The following SEC14L5 variants were observed in gnomAD, a reference collection of about 807,000 sequenced individuals.
SEC14L5 encodes SEC14-like protein 5.
Under a neutral mutation model 84.6 loss-of-function variants are expected in SEC14L5, and 96 were observed. The observed-to-expected ratio is 1.13, with a 90% CI of 0.96 to 1.34. The LOEUF (loss-of-function observed/expected upper bound fraction) is 1.34. Among genes scored for constraint, SEC14L5 ranks in the 40% most tolerant of loss-of-function variants. The pLI is 0.00. For missense variants in SEC14L5, 1,224 were observed against 942.5 expected, an observed-to-expected ratio of 1.30 and a Z score of -3.91; for synonymous variants, 546 against 383.4, an observed-to-expected ratio of 1.42 and a Z score of -4.95.
chr16:5,000,273 A>G (rs918903504), intron 8 of SEC14L5, among the ~76,000 whole-genome samples: 2 of 152,234 alleles, frequency 1.3e-5, no homozygotes, highest in African/African-American at 4.8e-5. Flanking sequence ...CCTGGGTGAC[A>G]GAGCAAGACT....
At chr16:5,014,804 C>T in intron 15 of SEC14L5, 55 bp from the exon 16 acceptor site, 2 of 1,397,614 alleles carry the variant, frequency 1.4e-6, no homozygotes, top group South Asian at 2.4e-5. Context: ...TGTGTGTCAG[C>T]CCAAGGGCCT....
chr16:4,978,643 C>A (rs80151722), intron 2 of SEC14L5, among the ~76,000 whole-genome samples: 2 of 151,482 alleles, frequency 1.3e-5, no homozygotes, highest in African/African-American at 4.9e-5. Flanking sequence ...CGCTCTGTCA[C>A]CCAGGCTGGA....
rs757610163 is a variant in SEC14L5 at position 4,990,857 on chromosome 16, A to G, written c.436A>G (p.Lys146Glu). Residue 146 changes from lysine to glutamate, a missense_variant, in exon 5 of 16, where the codon AAG (lysine) becomes GAG (glutamate). Physicochemically the swap from Lys to Glu is moderately conservative, Grantham distance 56. Coordinates refer to ENST00000251170, the MANE Select transcript of SEC14L5 (RefSeq NM_014692.2). The part of the protein sequence containing the change: ...SFFGFENALE[K>E]IAMKQYTANV... The stretch of plus-strand genomic sequence containing the variant: ...CTTTGGCTTTGAAAATGCCTTGGAG[A>G]AGATCGCCATGAAGCAGTACACCGC... The G allele has an allele frequency of 3.1e-6, 5 of 1,610,416 alleles. No individual in the cohort carries two copies. Among genetic ancestry groups the G allele is most frequent in the Non-Finnish European group, 4.2e-6 (5 of 1,178,268 alleles).
intron 2 of SEC14L5, among the ~76,000 whole-genome samples, chr16:4,972,070 A>G (rs909831998): frequency 6.6e-5 from 10 of 151,122 alleles, no homozygotes; most frequent in Non-Finnish European, 1.5e-4. Flanking sequence ...CAGTGGTGCA[A>G]TTATAGCTCA....
intron 2 of SEC14L5, among the ~76,000 whole-genome samples, chr16:4,963,728 A>G (rs1955158810): frequency 6.6e-6 from 1 of 152,196 alleles, no homozygotes; most frequent in South Asian, 2.1e-4. Context: ...ATCATGGCTC[A>G]CTGCAGCCTT....
At chr16:5,007,163 C>T (rs1042983136) in intron 12 of SEC14L5, among the ~76,000 whole-genome samples, 189 bp from the exon 13 acceptor site, 1 of 152,108 alleles carries the variant, frequency 6.6e-6, no homozygotes, top group East Asian at 1.9e-4. Context: ...CTCTGTGAAA[C>T]GGGAAGAATA....
In SEC14L5 at chr16:4,987,694, G is replaced by T; in HGVS notation, c.201G>T (p.Arg67=). ...RSCRLRVDAP[R]LLRKIAGVEH... The stretch of plus-strand genomic sequence containing the variant: ...GCCGGCTGCGCGTGGACGCCCCGCG[G>T]CTGCTGCGGAAGGTGGGCGGCCCTG... Residue 67 remains arginine, a synonymous_variant, in exon 3 of 16, where the codon CGG becomes CGT. Coordinates refer to ENST00000251170, the MANE Select transcript of SEC14L5 (RefSeq NM_014692.2). The T allele has an allele frequency of 6.5e-7, 1 of 1,528,228 alleles. No homozygotes were observed. The highest frequency in any genetic ancestry group is 2.0e-5 in the Admixed American group (1 of 49,234). The allele number at this position is 1,528,228 out of a possible 1,614,324, so 94.7% of individuals were successfully genotyped here.
In SEC14L5 at chr16:5,008,619, C is replaced by T; in HGVS notation, c.1771C>T (p.Leu591Phe). 1 of 1,604,776 alleles carries T rather than the reference C, an allele frequency of 6.2e-7. No individual in the cohort carries two copies. The highest frequency in any genetic ancestry group is 8.5e-7 in the Non-Finnish European group (1 of 1,177,644). The stretch of plus-strand genomic sequence containing the variant: ...GGATTACAGCCGTGTGGAGGCTCCC[C>T]TTGTCTGCCGGGAGGGGGAGAGCAT... The part of the protein sequence containing the change: ...GRDYSRVEAP[L>F]VCREGESIQG... The change falls in exon 14 of 16, where the codon CTT becomes TTT. Residue 591 changes from leucine (L) to phenylalanine (F), a missense_variant. Leu to Phe is a conservative substitution (Grantham distance 22). Coordinates refer to ENST00000251170, the MANE Select transcript of SEC14L5 (RefSeq NM_014692.2).
In SEC14L5 at chr16:4,987,623, G is replaced by T. The variant is rs551719538; in HGVS notation, c.130G>T (p.Glu44Ter). The T allele has an allele frequency of 1.9e-6, 3 of 1,558,002 alleles. No individual in the cohort carries two copies. The highest frequency in any genetic ancestry group is 3.8e-5 in the Admixed American group (2 of 52,038). Residue 44 changes from glutamate to a stop codon, truncating the protein, a stop_gained, in exon 3 of 16, where the codon GAG becomes TAG. Transcript: ENST00000251170. LOFTEE classifies it high-confidence loss of function. ...PVFLGSEVLR[E>*]SRSPDGAVHV... ...CTTCCTGGGCAGCGAGGTCTTGCGC[G>T]AGTCCCGCAGCCCGGACGGGGCTGT...
chr16:4,972,166 T>C (rs1003664354), intron 2 of SEC14L5, among the ~76,000 whole-genome samples: 2 of 152,066 alleles, frequency 1.3e-5, no homozygotes, highest in Admixed American at 6.6e-5. Context: ...CGAACCTGGC[T>C]AATTTTAAAA....
chr16:4,980,769 G>T (rs1032461212), intron 2 of SEC14L5, among the ~76,000 whole-genome samples: 2 of 152,186 alleles, frequency 1.3e-5, no homozygotes, highest in African/African-American at 4.8e-5. Context: ...AGGGGGAAGG[G>T]AGGGTGTCCC....
rs1955743573 is a variant in SEC14L5 at position 5,007,433 on chromosome 16, C to T, written c.1519C>T (p.Gln507Ter). 3.7e-6 allele frequency: 6 copies of T among 1,613,688 alleles called. No individual in the cohort carries two copies. The highest frequency in any genetic ancestry group is 5.1e-6 in the Non-Finnish European group (6 of 1,179,804). ...GCAGGAGCACACGGACCAGCTGTGG[C>T]AGTGGAGTGAGACCTACCATTCAGC... is the stretch of plus-strand genomic sequence containing the variant. Reference protein sequence around the residue: ...EEQEHTDQLWQWSETYHSASV... With the variant: ...EEQEHTDQLW Residue 507 changes from glutamine (Q) to a stop codon, truncating the protein, a stop_gained, in exon 13 of 16, where the codon CAG (glutamine) becomes TAG (stop). Transcript: ENST00000251170. LOFTEE classifies it high-confidence loss of function.
chr16:5,003,326 C>T (rs557922691), intron 10 of SEC14L5, 76 bp from the exon 11 acceptor site: 68 of 1,167,938 alleles, frequency 5.8e-5, no homozygotes, highest in South Asian at 3.7e-4. Flanking sequence ...CCTCCCTGTT[C>T]ATCCCCTGTG....
chr16:4,963,465 C>A (rs1955154463), intron 2 of SEC14L5, among the ~76,000 whole-genome samples: 1 of 152,086 alleles, frequency 6.6e-6, no homozygotes, highest in Non-Finnish European at 1.5e-5. Context: ...CTTGCTTCAG[C>A]CCCCTGAGTA....
At chr16:5,012,642 C>CG (rs1489689457) in intron 15 of SEC14L5, among the ~76,000 whole-genome samples, 1 of 152,200 alleles carries the variant, frequency 6.6e-6, no homozygotes, top group Non-Finnish European at 1.5e-5. Flanking sequence ...TGGTGGCTCA[C>CG]GCCTGTAATC....
intron 2 of SEC14L5, among the ~76,000 whole-genome samples, chr16:4,964,583 CAA>C (rs1275411102): frequency 6.8e-6 from 1 of 147,090 alleles, no homozygotes; most frequent in African/African-American, 2.5e-5. Flanking sequence ...GACCCTATCT[CAA>C]AAAAAAAAGA....
At chr16:4,975,264 A>G (rs917936367) in intron 2 of SEC14L5, among the ~76,000 whole-genome samples, 7 of 151,906 alleles carry the variant, frequency 4.6e-5, no homozygotes, top group African/African-American at 1.7e-4. Context: ...CAAGGTCAGG[A>G]GATCAAGACC....
chr16:4,980,367 G>A (rs1352110197), intron 2 of SEC14L5, among the ~76,000 whole-genome samples: 1 of 152,110 alleles, frequency 6.6e-6, no homozygotes, highest in Non-Finnish European at 1.5e-5. Flanking sequence ...GTCAGAGAAA[G>A]TCATGCCCCA....
At chr16:4,983,080 G>C (rs1222880237) in intron 2 of SEC14L5, among the ~76,000 whole-genome samples, 2 of 152,070 alleles carry the variant, frequency 1.3e-5, no homozygotes, top group Non-Finnish European at 2.9e-5. Context: ...TCCGCTTACT[G>C]TAACCTCTGC....
Sources: gnomAD v4.1 joint callset for allele counts (sites outside exome capture counted in the v4.1 genomes callset) on GRCh38, gnomAD v4.1.1 for gene constraint, MANE v1.5 for transcripts, NCBI Gene and HGNC (gene_info 2026-07-23, HGNC 2026-07-21) for gene names.